Variants in DLC1 observed in about 807,000 individuals in gnomAD.
DLC1 encodes rho GTPase-activating protein 7.
Under a neutral mutation model 140.3 loss-of-function variants are expected in DLC1, and 54 were observed. The observed-to-expected ratio is 0.38, with a 90% CI of 0.31 to 0.48. The LOEUF (loss-of-function observed/expected upper bound fraction) is 0.48. DLC1 is among the 20% of genes least tolerant of loss of function. The pLI is 0.96. For synonymous variants in DLC1, 986 were observed against 728.1 expected, an observed-to-expected ratio of 1.35 and a Z score of -5.70; for missense variants, 2,536 against 1,907.0, an observed-to-expected ratio of 1.33 and a Z score of -6.14.
chr8:13,228,332 C>T (rs1409357383), intron 5 of DLC1, among the ~76,000 whole-genome samples: 1 of 149,888 alleles, frequency 6.7e-6, no homozygotes, highest in Non-Finnish European at 1.5e-5. Flanking sequence ...CAGGGAACAT[C>T]TAAATAAAAG....
At chr8:13,086,846 A>ATAAAATATGAAATATTT (rs1817607039) in intron 16 of DLC1, among the ~76,000 whole-genome samples, 1 of 151,968 alleles carries the variant, frequency 6.6e-6, no homozygotes, top group East Asian at 1.9e-4. Flanking sequence ...CAACATAGTG[A>ATAAAATATGAAATATTT]TACCTCATCT....
At chr8:13,418,474 C>A (rs914561392) in intron 2 of DLC1, among the ~76,000 whole-genome samples, 4 of 152,140 alleles carry the variant, frequency 2.6e-5, no homozygotes, top group Admixed American at 2.6e-4. Context: ...AATAGGGAAT[C>A]CTTTCCCCAT....
chr8:13,562,918 A>G (rs1308695264), intron 1 of DLC1, among the ~76,000 whole-genome samples: 2 of 152,146 alleles, frequency 1.3e-5, no homozygotes, highest in Non-Finnish European at 2.9e-5. Flanking sequence ...AAACAAAAAA[A>G]AAACGCCATA....
intron 2 of DLC1, among the ~76,000 whole-genome samples, chr8:13,425,966 C>T (rs1252976026): frequency 6.6e-6 from 1 of 152,108 alleles, no homozygotes; most frequent in Non-Finnish European, 1.5e-5. Context: ...GCATGCACCA[C>T]CACATCTGGC....
intron 1 of DLC1, among the ~76,000 whole-genome samples, chr8:13,574,247 T>C (rs1804761605): frequency 1.3e-5 from 2 of 152,182 alleles, no homozygotes; most frequent in Non-Finnish European, 2.9e-5. Context: ...GAAGTATGCA[T>C]TTTTCACTTT....
intron 5 of DLC1, among the ~76,000 whole-genome samples, chr8:13,188,059 C>T (rs141397972): frequency 6.7e-6 from 1 of 149,914 alleles, no homozygotes; most frequent in African/African-American, 2.5e-5. Flanking sequence ...TTATTTTAAG[C>T]AGGTCCATAC....
intron 5 of DLC1, among the ~76,000 whole-genome samples, chr8:13,289,727 G>T (rs73665939): frequency 0.083 from 12,556 of 152,184 alleles, 587 homozygotes; most frequent in South Asian, 0.17. Context: ...GGTATACAAC[G>T]CTAGAGAATT....
intron 1 of DLC1, among the ~76,000 whole-genome samples, chr8:13,575,889 C>T (rs780063580): frequency 1.1e-4 from 16 of 152,176 alleles, no homozygotes; most frequent in Non-Finnish European, 1.8e-4. Flanking sequence ...TGCACTGAGA[C>T]ATGTGTAACC....
intron 5 of DLC1, among the ~76,000 whole-genome samples, chr8:13,294,397 A>C (rs1831870395): frequency 6.6e-6 from 1 of 152,236 alleles, no homozygotes. Context: ...ATCAAGTACA[A>C]AAACGACCAG....
Position 13,083,782 on chromosome 8 carries a change from G to A in DLC1, c.*2029C>T, listed in dbSNP as rs969967477. 4.6e-5 allele frequency: 7 copies of A among 152,620 alleles called. No individual in the cohort carries two copies. The highest frequency in any genetic ancestry group is 1.5e-5 in the Non-Finnish European group (1 of 68,044). The allele number at this position is 152,620 out of a possible 1,614,324, so 9.5% of individuals were successfully genotyped here. On this transcript the variant is annotated 3_prime_UTR_variant, in exon 18 of 18. Transcript: ENST00000276297. ...GGTGGCTCAGTTGCAGTTTGGCCTT[G>A]GAATGATTTGCAGTCCGATTTTTCC...
At chr8:13,292,277 C>T (rs191609097) in intron 5 of DLC1, among the ~76,000 whole-genome samples, 2 of 152,114 alleles carry the variant, frequency 1.3e-5, no homozygotes, top group Non-Finnish European at 2.9e-5. Context: ...CAGGCCACTC[C>T]CTACATGTGG....
At chr8:13,443,869 C>T (rs1798657408) in intron 2 of DLC1, among the ~76,000 whole-genome samples, 1 of 152,138 alleles carries the variant, frequency 6.6e-6, no homozygotes, top group Admixed American at 6.5e-5. Flanking sequence ...CTAAAACAAA[C>T]GTCACATGTT....
intron 4 of DLC1, among the ~76,000 whole-genome samples, chr8:13,344,858 G>A (rs1286566593): frequency 6.6e-6 from 1 of 152,172 alleles, no homozygotes; most frequent in Non-Finnish European, 1.5e-5. Flanking sequence ...TGCATGTAGT[G>A]TGAAAGGAAA....
chr8:13,347,821 G>A (rs1403756432), intron 4 of DLC1, among the ~76,000 whole-genome samples: 2 of 152,130 alleles, frequency 1.3e-5, no homozygotes, highest in Admixed American at 1.3e-4. Flanking sequence ...TCCAGGGAAA[G>A]GGCATTAAAA....
At chr8:13,256,879 TAA>T (rs570193249) in intron 5 of DLC1, among the ~76,000 whole-genome samples, 67 of 105,122 alleles carry the variant, frequency 6.4e-4, no homozygotes, top group Middle Eastern at 5.6e-3. Context: ...TCCCAGAACT[TAA>T]AAAAAAAAAA....
At chr8:13,092,943 G>T in intron 12 of DLC1, 118 bp from the exon 13 acceptor site, 1 of 1,111,174 alleles carries the variant, frequency 9.0e-7, no homozygotes, top group South Asian at 1.5e-5. Context: ...ACAAGCACTT[G>T]TAGAAAGTGC....
intron 5 of DLC1, among the ~76,000 whole-genome samples, chr8:13,201,273 A>C (rs1827365084): frequency 6.6e-6 from 1 of 152,162 alleles, no homozygotes; most frequent in Non-Finnish European, 1.5e-5. Context: ...GAAAAAATGA[A>C]ATTGTCAAAT....
intron 14 of DLC1, 76 bp from the exon 15 acceptor site, chr8:13,090,546 T>A: frequency 6.5e-7 from 1 of 1,540,800 alleles, no homozygotes; most frequent in Non-Finnish European, 8.8e-7. Context: ...TGGAAAAGAC[T>A]GGGTAGGAAC....
intron 1 of DLC1, among the ~76,000 whole-genome samples, chr8:13,579,467 T>TTTTATATTATATATTTAATATATC (rs1804996047): frequency 3.2e-5 from 2 of 62,874 alleles, no homozygotes; most frequent in African/African-American, 1.3e-4. Flanking sequence ...TTTAATACAT[T>TTTTATATTATATATTTAATATATC]ATATTTTATA....
Sources: gnomAD v4.1 joint callset for allele counts (sites outside exome capture counted in the v4.1 genomes callset) on GRCh38, gnomAD v4.1.1 for gene constraint, MANE v1.5 for transcripts, NCBI Gene and HGNC (gene_info 2026-07-23, HGNC 2026-07-21) for gene names.